Variants in CACNA1D observed in about 807,000 individuals in gnomAD.
The protein encoded by CACNA1D is calcium voltage-gated channel subunit alpha1 D.
CACNA1D carries 55 observed loss-of-function variants against 257.1 expected under a neutral mutation model. The observed-to-expected ratio is 0.21, with a 90% CI of 0.17 to 0.27. The LOEUF (loss-of-function observed/expected upper bound fraction) is 0.27. Among genes scored for constraint, CACNA1D ranks in the 10% least tolerant of loss-of-function variants. The pLI is 1.00. For missense variants in CACNA1D, 1,876 were observed against 2,784.0 expected (o/e 0.67, Z 7.34); for synonymous variants, 980 against 1,014.9 (o/e 0.97, Z 0.65).
intron 9 of CACNA1D, among the ~76,000 whole-genome samples, chr3:53,714,742 C>T (rs2094800811): frequency 6.6e-6 from 1 of 151,222 alleles, no homozygotes; most frequent in Non-Finnish European, 1.5e-5. Context: ...AGAGATTTCT[C>T]AGTGTCAGCT....
rs1302321475 is a variant in CACNA1D at position 53,774,509 on chromosome 3, G to C, written c.4111-78G>C. On this transcript the variant is annotated intron_variant, in intron 33 of 47. Coordinates refer to ENST00000350061, the MANE Select transcript of CACNA1D (RefSeq NM_001128840.3). The surrounding 1 kb of genome is among the most constrained non-coding windows in gnomAD (Gnocchi z 4.3). Reference sequence around the variant, plus strand: ...CCTAGCTGGTAAAGATCAAACCTGAGTTAGTTCTAAATTCACATACGGATT... The same window carrying C: ...CCTAGCTGGTAAAGATCAAACCTGACTTAGTTCTAAATTCACATACGGATT... 1.2e-6 allele frequency: 1 copy of C among 863,144 alleles called. No homozygotes were observed. Among genetic ancestry groups the C allele is most frequent in the East Asian group, 2.4e-5 (1 of 41,462 alleles). The allele number at this position is 863,144 out of a possible 1,614,324, so 53.5% of individuals were successfully genotyped here. A position where few individuals can be genotyped will look rare whatever the true frequency, so the allele number is the denominator to read the frequency against.
chr3:53,540,606 A>G (rs922018364), intron 3 of CACNA1D, among the ~76,000 whole-genome samples: 1 of 151,234 alleles, frequency 6.6e-6, no homozygotes, highest in Non-Finnish European at 1.5e-5. Flanking sequence ...AATTTCCTTT[A>G]AAAAAAATTG....
At chr3:53,501,857 GTTTT>G (rs370019089) in intron 3 of CACNA1D, 137 bp downstream of exon 3, 2 of 656,878 alleles carry the variant, frequency 3.0e-6, no homozygotes, top group Admixed American at 4.9e-5. Context: ...TGCAACAGTG[GTTTT>G]TTGTTTGTTT....
At chr3:53,521,328 T>C (rs1475263321) in intron 3 of CACNA1D, among the ~76,000 whole-genome samples, 2 of 152,210 alleles carry the variant, frequency 1.3e-5, no homozygotes, top group Non-Finnish European at 2.9e-5. Context: ...AGGCATGAGC[T>C]ACTCACTGCT....
intron 21 of CACNA1D, 25 bp downstream of exon 21, chr3:53,740,364 CAT>C (rs2095104099): frequency 6.7e-7 from 1 of 1,481,930 alleles, no homozygotes. Flanking sequence ...TTGATCTTCA[CAT>C]ACTCCACAGC....
intron 3 of CACNA1D, among the ~76,000 whole-genome samples, chr3:53,501,939 A>C (rs1483788621): frequency 6.6e-6 from 1 of 152,180 alleles, no homozygotes; most frequent in Non-Finnish European, 1.5e-5. Flanking sequence ...ATCTTTTATA[A>C]ATAGATATGG....
At chr3:53,565,944 T>C (rs1402695534) in intron 3 of CACNA1D, among the ~76,000 whole-genome samples, 1 of 152,206 alleles carries the variant, frequency 6.6e-6, no homozygotes, top group East Asian at 1.9e-4. Flanking sequence ...CACCCACCTA[T>C]TGAGGCACAA....
intron 37 of CACNA1D, 115 bp downstream of exon 37, chr3:53,777,071 T>A: frequency 1.3e-6 from 1 of 776,754 alleles, no homozygotes; most frequent in Non-Finnish European, 2.3e-6. Flanking sequence ...GATGCAGCAA[T>A]GAATAATATG....
At chr3:53,634,218 G>T (rs538456849) in intron 3 of CACNA1D, among the ~76,000 whole-genome samples, 2 of 152,338 alleles carry the variant, frequency 1.3e-5, no homozygotes, top group South Asian at 2.1e-4. Flanking sequence ...CAAATGTAAT[G>T]ATTTCAGTTG....
chr3:53,505,430 T>C (rs1447497144), intron 3 of CACNA1D, among the ~76,000 whole-genome samples: 1 of 152,184 alleles, frequency 6.6e-6, no homozygotes, highest in East Asian at 1.9e-4. Context: ...CTTTATCCTC[T>C]GGAGCGTCTT....
At chr3:53,773,145 T>G (rs1361468624) in intron 33 of CACNA1D, among the ~76,000 whole-genome samples, 1 of 152,228 alleles carries the variant, frequency 6.6e-6, no homozygotes, top group Non-Finnish European at 1.5e-5. Flanking sequence ...AGAAGAATTA[T>G]GCTTTATCAT....
intron 3 of CACNA1D, among the ~76,000 whole-genome samples, chr3:53,560,733 T>A (rs1029979924): frequency 1.3e-5 from 2 of 152,230 alleles, no homozygotes; most frequent in African/African-American, 4.8e-5. Flanking sequence ...TTCTTATACT[T>A]TTCATGTGTC....
intron 8 of CACNA1D, chr3:53,674,036 C>T (rs1576311254): frequency 1.1e-5 from 7 of 619,816 alleles, no homozygotes; most frequent in Admixed American, 4.9e-5. Flanking sequence ...TTAATGAAAA[C>T]GTTCCCCCAA....
chr3:53,560,711 T>C (rs540622536), intron 3 of CACNA1D, among the ~76,000 whole-genome samples: 47 of 152,382 alleles, frequency 3.1e-4, no homozygotes, highest in African/African-American at 1.1e-3. Flanking sequence ...TGATTGACAC[T>C]GAAATTTGAA....
intron 10 of CACNA1D, 156 bp downstream of exon 10, chr3:53,718,544 T>TGCCAGGGCTATCCCTCCTGC: frequency 9.6e-7 from 1 of 1,036,856 alleles, no homozygotes; most frequent in East Asian, 2.6e-5. Context: ...CTTCCTCCTG[T>TGCCAGGGCTATCCCTCCTGC]GCCAGGGCTA....
intron 34 of CACNA1D, 76 bp from the exon 35 acceptor site, chr3:53,775,810 T>C (rs1450029287): frequency 2.8e-6 from 4 of 1,431,176 alleles, no homozygotes; most frequent in Admixed American, 1.7e-5. Flanking sequence ...TAATTATGAG[T>C]TTTTCTCCCC....
chr3:53,784,540 G>T (rs2095442691), intron 39 of CACNA1D, among the ~76,000 whole-genome samples: 1 of 152,188 alleles, frequency 6.6e-6, no homozygotes, highest in Non-Finnish European at 1.5e-5. Context: ...GCAGAGCTCT[G>T]GGTGGGTCTG....
intron 3 of CACNA1D, among the ~76,000 whole-genome samples, chr3:53,520,905 T>TTTCTTTCTTTC (rs1342727651): frequency 7.2e-5 from 9 of 125,698 alleles, no homozygotes; most frequent in East Asian, 2.3e-4. Context: ...TTTTCTTTTC[T>TTTCTTTCTTTC]TTTCTTTTCT....
chr3:53,515,362 G>A (rs983629183), intron 3 of CACNA1D, among the ~76,000 whole-genome samples: 3 of 152,172 alleles, frequency 2.0e-5, no homozygotes, highest in African/African-American at 7.2e-5. Flanking sequence ...CTGGCCCGAT[G>A]GTCGTGCAGT....
Sources: gnomAD v4.1 joint callset for allele counts (sites outside exome capture counted in the v4.1 genomes callset) on GRCh38, gnomAD v4.1.1 for gene constraint, Gnocchi (gnomAD v3.1) non-coding constraint, MANE v1.5 for transcripts, NCBI Gene and HGNC (gene_info 2026-07-23, HGNC 2026-07-21) for gene names.